The following POU2F1 variants were observed in gnomAD, a reference collection of about 807,000 sequenced individuals.
POU2F1 encodes POU domain, class 2, transcription factor 1.
A neutral mutation model predicts 84.9 loss-of-function variants in POU2F1; 16 were observed. The observed-to-expected ratio is 0.19, with a 90% confidence interval of 0.13 to 0.29. The LOEUF (loss-of-function observed/expected upper bound fraction) is 0.29, where lower values mean the gene tolerates loss of function less well. Among genes scored for constraint, POU2F1 ranks in the 10% least tolerant of loss-of-function variants. POU2F1 has a pLI of 1.00. For synonymous variants in POU2F1, 368 were observed against 368.3 expected (o/e 1.00, Z 0.01); for missense variants, 738 against 942.6 (o/e 0.78, Z 2.84).
intron 1 of POU2F1, among the ~76,000 whole-genome samples, chr1:167,312,822 C>T (rs1001645146): frequency 5.3e-5 from 8 of 152,094 alleles, no homozygotes; most frequent in Admixed American, 6.6e-5. Flanking sequence ...TGTATTTTTA[C>T]GGTATCTTTT....
At chr1:167,273,974 A>G (rs1421317629) in intron 1 of POU2F1, among the ~76,000 whole-genome samples, 1 of 152,222 alleles carries the variant, frequency 6.6e-6, no homozygotes, top group African/African-American at 2.4e-5. Context: ...GTTCATGTTT[A>G]ATCTCTATGT....
rs757145619 is a variant in POU2F1 at position 167,399,381 on chromosome 1, AGG to A, written c.1449+18_1449+19del. The A allele has an allele frequency of 6.3e-7, 1 of 1,597,224 alleles. No homozygotes were observed. Among genetic ancestry groups the A allele is most frequent in the African/African-American group, 1.3e-5 (1 of 74,356 alleles). ...AACTTCACTGGTAAGAATAAAAAAT[AGG>A]GAGTGCAAGCTCAAGGGCTAATTTT... On this transcript the variant is annotated intron_variant, in intron 12 of 15. Transcript: ENST00000367866.
intron 1 of POU2F1, among the ~76,000 whole-genome samples, chr1:167,311,556 A>G (rs968033142): frequency 5.3e-5 from 8 of 152,176 alleles, no homozygotes; most frequent in South Asian, 2.1e-4. Flanking sequence ...CCGAGATCCC[A>G]TAGGTTATAA....
chr1:167,366,696 G>T (rs572669920), intron 3 of POU2F1, among the ~76,000 whole-genome samples: 3 of 151,770 alleles, frequency 2.0e-5, no homozygotes, highest in Non-Finnish European at 4.4e-5. Context: ...TTAACTTCCA[G>T]ATAAAATATT....
intron 2 of POU2F1, among the ~76,000 whole-genome samples, chr1:167,350,305 T>C (rs1016682231): frequency 1.3e-5 from 2 of 152,164 alleles, no homozygotes; most frequent in African/African-American, 4.8e-5. Flanking sequence ...TGAGAATGAA[T>C]CTTTTTTGTT....
In POU2F1 at chr1:167,422,502, A is replaced by T. The variant is rs1195318004; in HGVS notation, c.*6692A>T. On this transcript the variant is annotated 3_prime_UTR_variant, in exon 16 of 16. Coordinates refer to ENST00000367866, the MANE Select transcript of POU2F1 (RefSeq NM_002697.4). ...CAAGAAGTTGAAAGCTAACCTGCCC[A>T]CCTCACCCCTGTGATACAAAGTGTG... 6.6e-6 allele frequency: 1 copy of T among 152,184 alleles called. No individual in the cohort carries two copies. Among genetic ancestry groups the T allele is most frequent in the Admixed American group, 6.5e-5 (1 of 15,282 alleles). The allele number at this position is 152,184 out of a possible 1,614,324, so 9.4% of individuals were successfully genotyped here.
intron 1 of POU2F1, chr1:167,329,289 G>A: frequency 6.5e-7 from 1 of 1,548,698 alleles, no homozygotes. Flanking sequence ...ATGCTGGACT[G>A]CAGTGACTAT....
intron 1 of POU2F1, among the ~76,000 whole-genome samples, chr1:167,300,289 A>G (rs573805514): frequency 6.6e-6 from 1 of 152,322 alleles, no homozygotes; most frequent in South Asian, 2.1e-4. Context: ...GAAGGAGAGC[A>G]AGGGTTAAAA....
At position 167,256,049 on chromosome 1, in the gene POU2F1, A is replaced by C. The variant is rs551557323; in HGVS notation, c.61+35091A>C. 2.0e-3 allele frequency among the ~76,000 whole-genome samples: 302 copies of C among 152,216 alleles called. 3 individuals are homozygous for C. The highest frequency in any genetic ancestry group is 6.0e-3 in the Admixed American group (92 of 15,286). On this transcript the variant is annotated intron_variant, in intron 1 of 15. Coordinates refer to ENST00000367866, the MANE Select transcript of POU2F1 (RefSeq NM_002697.4). ...TTCAGGATTGTGTTCCCCTAGTTAC[A>C]TGGTTGGTTCAAGGTGGGCACATTA...
Position 167,340,300 on chromosome 1 carries a change from G to A in POU2F1, c.127+7765G>A, listed in dbSNP as rs1037094190. 3.1e-4 allele frequency among the ~76,000 whole-genome samples: 47 copies of A among 151,980 alleles called. 2 individuals are homozygous for A. Among genetic ancestry groups the A allele is most frequent in the East Asian group, 3.9e-4 (2 of 5,172 alleles). On this transcript the variant is annotated intron_variant, in intron 2 of 15. Coordinates refer to ENST00000367866, the MANE Select transcript of POU2F1 (RefSeq NM_002697.4). ...TCTTCATGTTGGTCAGGCTGGTCTCGAACTCCTGACCTCAGGTGATCCGCC... is the reference window on the plus strand; with the variant it reads ...TCTTCATGTTGGTCAGGCTGGTCTCAAACTCCTGACCTCAGGTGATCCGCC...
intron 1 of POU2F1, among the ~76,000 whole-genome samples, chr1:167,263,728 A>C (rs1182583340): frequency 6.6e-6 from 1 of 152,174 alleles, no homozygotes; most frequent in African/African-American, 2.4e-5. Flanking sequence ...GCCCTCCCTC[A>C]TTCATCTCTC....
intron 5 of POU2F1, 71 bp from the exon 6 acceptor site, chr1:167,374,037 A>T: frequency 6.9e-7 from 1 of 1,455,792 alleles, no homozygotes; most frequent in Non-Finnish European, 9.6e-7. Context: ...TACCTATTTT[A>T]AAGCAGTTGG....
At chr1:167,298,320 G>A (rs915488755) in intron 1 of POU2F1, among the ~76,000 whole-genome samples, 1 of 152,018 alleles carries the variant, frequency 6.6e-6, no homozygotes, top group Admixed American at 6.5e-5. Flanking sequence ...ATTAAAGTTA[G>A]AAATAGAGAC....
chr1:167,389,814 A>C, intron 9 of POU2F1, 53 bp downstream of exon 9: 1 of 1,563,750 alleles, frequency 6.4e-7, no homozygotes, highest in Non-Finnish European at 8.7e-7. Flanking sequence ...GTCCAAATAC[A>C]GTTGGCTCTC....
At chr1:167,396,699 A>T (rs1434243662) in intron 10 of POU2F1, 1 of 339,294 alleles carries the variant, frequency 2.9e-6, no homozygotes, top group Non-Finnish European at 5.4e-6. Flanking sequence ...ACACACACAC[A>T]CACACACACA....
intron 4 of POU2F1, among the ~76,000 whole-genome samples, chr1:167,371,388 T>A (rs1252020196): frequency 6.6e-6 from 1 of 152,194 alleles, no homozygotes; most frequent in African/African-American, 2.4e-5. Context: ...ACCGTAAAAT[T>A]TTCTCTTCGT....
At chr1:167,241,247 A>G (rs996669856) in intron 1 of POU2F1, among the ~76,000 whole-genome samples, 1 of 152,232 alleles carries the variant, frequency 6.6e-6, no homozygotes, top group Admixed American at 6.5e-5. Flanking sequence ...AGTGTAAAGC[A>G]ATAACCTTAG....
intron 2 of POU2F1, among the ~76,000 whole-genome samples, chr1:167,337,489 C>T (rs1374134875): frequency 2.0e-5 from 3 of 151,954 alleles, no homozygotes; most frequent in Admixed American, 2.0e-4. Context: ...TTAATGCCAG[C>T]AAAGGATGGT....
At chr1:167,345,293 T>G (rs184948966) in intron 2 of POU2F1, among the ~76,000 whole-genome samples, 1 of 152,224 alleles carries the variant, frequency 6.6e-6, no homozygotes, top group African/African-American at 2.4e-5. Flanking sequence ...TTTTTTGTTG[T>G]TTTTTAGGTG....
Sources: allele counts gnomAD v4.1 joint callset (sites outside exome capture counted in the v4.1 genomes callset), GRCh38; gene constraint gnomAD v4.1.1; transcripts MANE v1.5; gene names NCBI Gene and HGNC (gene_info 2026-07-23, HGNC 2026-07-21).